Variants in SCLT1 observed in about 807,000 individuals in gnomAD.
SCLT1 encodes the protein sodium channel and clathrin linker 1, also known as sodium channel-associated protein 1.
Under a neutral mutation model 112.8 loss-of-function variants are expected in SCLT1, and 78 were observed. The ratio of observed to expected loss-of-function variants is 0.69; its 90% CI spans 0.58 to 0.83. The LOEUF (loss-of-function observed/expected upper bound fraction) is 0.83, where lower values mean the gene tolerates loss of function less well. Ranked by LOEUF, SCLT1 falls within the 40% of genes least tolerant of loss-of-function variation. SCLT1 has a pLI of 0.00. For missense variants in SCLT1, 747 were observed against 770.4 expected (o/e 0.97, Z 0.36); for synonymous variants, 257 against 254.7 (o/e 1.01, Z -0.09).
rs577316120 is a variant in SCLT1, at chr4:129,053,296, G to C, written c.103-9245C>G. 2.6e-4 allele frequency among the ~76,000 whole-genome samples: 39 copies of C among 152,162 alleles called. No homozygotes were observed. In the South Asian group the frequency reaches 6.7e-3, roughly 26 times the overall value. ...TCCAGGATATTCTTGTTAATTTTCT[G>C]TCTTATCGATCTGTCTAATATTGAC... On this transcript the variant is annotated intron_variant, in intron 2 of 20. Coordinates refer to ENST00000281142, the MANE Select transcript of SCLT1 (RefSeq NM_144643.4).
intron 19 of SCLT1, among the ~76,000 whole-genome samples, chr4:128,889,839 G>C (rs934892316): frequency 6.6e-6 from 1 of 152,122 alleles, no homozygotes; most frequent in African/African-American, 2.4e-5. Flanking sequence ...GGAAGAGTTA[G>C]AAAAACACAT....
chr4:129,000,834 C>T (rs1579649652), intron 6 of SCLT1, among the ~76,000 whole-genome samples: 1 of 151,828 alleles, frequency 6.6e-6, no homozygotes, highest in Non-Finnish European at 1.5e-5. Flanking sequence ...AAGAACATTA[C>T]CATCACCTAG....
rs576463932 is a variant in SCLT1, at chr4:128,999,649, A to G, written c.549+23T>C. The G allele has an allele frequency of 1.7e-4, 276 of 1,589,008 alleles. 1 individual carries two copies. In the South Asian group the frequency reaches 1.9e-3, roughly 11 times the overall value. ...GTGCAATTTCTTATTGATATACAAG[A>G]AAATGATGAAATCCAAGATTACCTT... On this transcript the variant is annotated intron_variant, in intron 7 of 20. Coordinates refer to ENST00000281142, the MANE Select transcript of SCLT1 (RefSeq NM_144643.4).
At chr4:128,951,212 A>G (rs1334036853) in intron 14 of SCLT1, among the ~76,000 whole-genome samples, 1 of 152,126 alleles carries the variant, frequency 6.6e-6, no homozygotes, top group Non-Finnish European at 1.5e-5. Flanking sequence ...ATTATGCTTC[A>G]AACTGTAGCT....
intron 5 of SCLT1, among the ~76,000 whole-genome samples, chr4:129,029,965 T>C (rs1268013505): frequency 2.0e-5 from 3 of 152,088 alleles, no homozygotes; most frequent in African/African-American, 4.8e-5. Flanking sequence ...GCGGACCTAA[T>C]AGACATCTAC....
chr4:128,897,974 T>C (rs1388188718), intron 18 of SCLT1, among the ~76,000 whole-genome samples: 2 of 152,216 alleles, frequency 1.3e-5, no homozygotes, highest in Non-Finnish European at 2.9e-5. Flanking sequence ...AAGAGCTAAC[T>C]ATCTTAAATA....
intron 5 of SCLT1, among the ~76,000 whole-genome samples, chr4:129,029,649 C>T (rs1746509527): frequency 6.6e-6 from 1 of 151,754 alleles, no homozygotes; most frequent in East Asian, 1.9e-4. Context: ...GCACATTGTG[C>T]ACATGTACCC....
intron 1 of SCLT1, among the ~76,000 whole-genome samples, chr4:129,085,513 G>A (rs1374691092): frequency 6.6e-6 from 1 of 152,120 alleles, no homozygotes; most frequent in Non-Finnish European, 1.5e-5. Context: ...CCATTACTGA[G>A]TATACACCCA....
chr4:129,006,739 C>T (rs528117517), intron 5 of SCLT1, among the ~76,000 whole-genome samples: 3 of 152,144 alleles, frequency 2.0e-5, no homozygotes, highest in South Asian at 2.1e-4. Context: ...TCCAATCTTG[C>T]GTTTCTAATG....
At chr4:129,091,595 A>G (rs182804481) in intron 1 of SCLT1, among the ~76,000 whole-genome samples, 1 of 152,186 alleles carries the variant, frequency 6.6e-6, no homozygotes, top group East Asian at 1.9e-4. Context: ...TGGGGTGGGG[A>G]TATTCCCACT....
At chr4:128,972,605 T>C (rs1740787030) in intron 9 of SCLT1, among the ~76,000 whole-genome samples, 2 of 152,306 alleles carry the variant, frequency 1.3e-5, no homozygotes, top group South Asian at 4.1e-4. Context: ...TTAGGCAATT[T>C]GCCAAGACCA....
chr4:129,001,285 T>C (rs1743458547), intron 6 of SCLT1, among the ~76,000 whole-genome samples: 1 of 150,806 alleles, frequency 6.6e-6, no homozygotes, highest in Non-Finnish European at 1.5e-5. Context: ...CTGTTAGAGA[T>C]GTAAATTATT....
intron 2 of SCLT1, among the ~76,000 whole-genome samples, chr4:129,077,868 T>A (rs1751596023): frequency 6.6e-6 from 1 of 152,184 alleles, no homozygotes; most frequent in Non-Finnish European, 1.5e-5. Flanking sequence ...TAGGGATGCA[T>A]TACATATGGC....
intron 10 of SCLT1, among the ~76,000 whole-genome samples, chr4:128,969,571 C>G (rs1579545339): frequency 6.6e-6 from 1 of 150,596 alleles, no homozygotes; most frequent in East Asian, 1.9e-4. Context: ...GACTCTGACT[C>G]AAAAATAAAA....
intron 5 of SCLT1, among the ~76,000 whole-genome samples, chr4:129,023,730 C>T (rs958596639): frequency 2.0e-5 from 3 of 152,108 alleles, no homozygotes; most frequent in Non-Finnish European, 4.4e-5. Flanking sequence ...TGAAGCAGGG[C>T]GAGGCATTGC....
chr4:129,052,153 G>C (rs1009193961), intron 2 of SCLT1, among the ~76,000 whole-genome samples: 52 of 152,234 alleles, frequency 3.4e-4, no homozygotes, highest in African/African-American at 1.0e-3. Flanking sequence ...ATTTCACATT[G>C]ATGTTCATCA....
intron 1 of SCLT1, among the ~76,000 whole-genome samples, chr4:129,082,725 T>C (rs1752049592): frequency 6.6e-6 from 1 of 152,174 alleles, no homozygotes; most frequent in Non-Finnish European, 1.5e-5. Flanking sequence ...TGAGAAGCAT[T>C]GGGAAGATAA....
intron 9 of SCLT1, among the ~76,000 whole-genome samples, chr4:128,987,836 T>C (rs1275086451): frequency 6.6e-6 from 1 of 151,922 alleles, no homozygotes; most frequent in East Asian, 1.9e-4. Flanking sequence ...TACAAGAAGG[T>C]CAAAGAACAC....
chr4:128,908,534 G>A (rs563913838), intron 18 of SCLT1, among the ~76,000 whole-genome samples: 18 of 152,182 alleles, frequency 1.2e-4, no homozygotes, highest in African/African-American at 3.9e-4. Context: ...TTGGACAAGC[G>A]AATATTACAT....
Sources: allele counts gnomAD v4.1 joint callset (sites outside exome capture counted in the v4.1 genomes callset), GRCh38; gene constraint gnomAD v4.1.1; transcripts MANE v1.5; gene names NCBI Gene and HGNC (gene_info 2026-07-23, HGNC 2026-07-21).